Variants in GSDME observed in about 807,000 individuals in gnomAD.
GSDME encodes gasdermin E.
Under a neutral mutation model 47.5 loss-of-function variants are expected in GSDME, and 44 were observed. The observed-to-expected ratio is 0.93, with a 90% CI of 0.73 to 1.19. The LOEUF (loss-of-function observed/expected upper bound fraction) is 1.19, where lower values mean the gene tolerates loss of function less well. Ranked by LOEUF, GSDME falls within the 50% of genes most tolerant of loss-of-function variation. The pLI, the probability that GSDME is intolerant of heterozygous loss-of-function variation, is 0.00. For synonymous variants in GSDME, 258 were observed against 252.8 expected (o/e 1.02, Z -0.20); for missense variants, 663 against 604.2 (o/e 1.10, Z -1.02).
At chr7:24,700,309 G>T (rs111331806) in intron 9 of GSDME, among the ~76,000 whole-genome samples, 38 of 152,134 alleles carry the variant, frequency 2.5e-4, no homozygotes, top group African/African-American at 8.9e-4. Context: ...ACACATACTT[G>T]AAATATTTGA....
At position 24,712,162 on chromosome 7, in the gene GSDME, G is replaced by C. The variant is rs1365278153; in HGVS notation, c.698-1774C>G. On this transcript the variant is annotated intron_variant, in intron 5 of 9. Coordinates refer to ENST00000645220, the MANE Select transcript of GSDME (RefSeq NM_001127453.2). This position sits in a 1 kb window ranked among gnomAD's most constrained non-coding sequence, Gnocchi z 4.4. ...ATGGCTGTCTAAAGACAAAGGAAACGATCCCTGGGCTTTACCCACCTGGCC... is the reference window on the plus strand; with the variant it reads ...ATGGCTGTCTAAAGACAAAGGAAACCATCCCTGGGCTTTACCCACCTGGCC... Among the ~76,000 whole-genome samples, 2 of 152,190 alleles carry C rather than the reference G, an allele frequency of 1.3e-5. No homozygotes were observed. The highest frequency in any genetic ancestry group is 2.9e-5 in the Non-Finnish European group (2 of 68,038).
chr7:24,752,511 T>C (rs939675331), intron 1 of GSDME, among the ~76,000 whole-genome samples: 3 of 152,042 alleles, frequency 2.0e-5, no homozygotes, highest in Admixed American at 6.5e-5. Context: ...GGCATAAGGA[T>C]AGAAAAGACA....
intron 3 of GSDME, among the ~76,000 whole-genome samples, chr7:24,738,154 G>C (rs1316732491): frequency 6.6e-6 from 1 of 152,058 alleles, no homozygotes; most frequent in Non-Finnish European, 1.5e-5. Context: ...AAGAATAAAG[G>C]CATTCAAATT....
chr7:24,707,098 C>T (rs901916816), intron 7 of GSDME, among the ~76,000 whole-genome samples: 2 of 152,222 alleles, frequency 1.3e-5, no homozygotes, highest in African/African-American at 4.8e-5. Context: ...TGCAAATGTC[C>T]TGGGCTGTGG....
rs202246404 is a variant in GSDME, at chr7:24,719,230, A to G, written c.405-12T>C. The G allele has an allele frequency of 3.9e-4, 625 of 1,608,426 alleles. 4 individuals are homozygous for G. In the South Asian group the frequency reaches 6.0e-3, roughly 16 times the overall value. ...TCAGATTTATTGTTCTGAAAAAGAA[A>G]AACGGATGTGAGTGGCTTAGTGCCT... On this transcript the variant is annotated splice_polypyrimidine_tract_variant and intron_variant, in intron 3 of 9. Transcript: ENST00000645220.
Position 24,735,163 on chromosome 7 carries a change from A to G in GSDME, c.404+9399T>C, listed in dbSNP as rs1210618171. Among the ~76,000 whole-genome samples, 1 of 152,254 alleles carries G rather than the reference A, an allele frequency of 6.6e-6. No homozygotes were observed. On this transcript the variant is annotated intron_variant, in intron 3 of 9. Transcript: ENST00000645220. The surrounding 1 kb of genome is among the most constrained non-coding windows in gnomAD (Gnocchi z 4.4). Reference sequence around the variant, plus strand: ...TGACATATCTAAAGTGCTGAAGGAAAAAAACGTTTACACTAGAATAGTATA... The same window carrying G: ...TGACATATCTAAAGTGCTGAAGGAAGAAAACGTTTACACTAGAATAGTATA...
Position 24,734,670 on chromosome 7 carries a change from G to A in GSDME, c.404+9892C>T, listed in dbSNP as rs531823060. Among the ~76,000 whole-genome samples, 5 of 152,292 alleles carry A rather than the reference G, an allele frequency of 3.3e-5. No homozygotes were observed. In the South Asian group the frequency reaches 8.3e-4, roughly 25 times the overall value. On this transcript the variant is annotated intron_variant, in intron 3 of 9. Transcript: ENST00000645220. ...TTGACATACTGGAGAACACATCAGAGTCTCTTAAATAGCAGAATTGATTAA... is the reference window on the plus strand; with the variant it reads ...TTGACATACTGGAGAACACATCAGAATCTCTTAAATAGCAGAATTGATTAA...
Position 24,754,799 on chromosome 7 carries a change from G to C in GSDME, c.-20+2597C>G, listed in dbSNP as rs937169600. ...ACTGATTCAGTCATGGAGTTATCTA[G>C]TTTTTAAATTAGAAGAGAAACCTCA... On this transcript the variant is annotated intron_variant, in intron 1 of 9. Transcript: ENST00000645220. The surrounding 1 kb of genome is among the most constrained non-coding windows in gnomAD (Gnocchi z 5.0). 2.0e-5 allele frequency among the ~76,000 whole-genome samples: 3 copies of C among 152,208 alleles called. No individual in the cohort carries two copies. Among genetic ancestry groups the C allele is most frequent in the Non-Finnish European group, 2.9e-5 (2 of 68,032 alleles).
Position 24,721,619 on chromosome 7 carries a change from C to A in GSDME, c.405-2401G>T, listed in dbSNP as rs1303725782. On this transcript the variant is annotated intron_variant, in intron 3 of 9. Coordinates refer to ENST00000645220, the MANE Select transcript of GSDME (RefSeq NM_001127453.2). This position sits in a 1 kb window ranked among gnomAD's most constrained non-coding sequence, Gnocchi z 4.1. ...GGTGTGCCGAGCACAGAGTTAAATG[C>A]CACACAAACACTAGCTGGCTCCGCC... is the stretch of plus-strand genomic sequence containing the variant. Among the ~76,000 whole-genome samples, 4 of 152,216 alleles carry A rather than the reference C, an allele frequency of 2.6e-5. No homozygotes were observed. Among genetic ancestry groups the A allele is most frequent in the Non-Finnish European group, 5.9e-5 (4 of 68,038 alleles).
chr7:24,789,321 C>T, the GSDME span, among the ~76,000 whole-genome samples: 1 of 152,128 alleles, frequency 6.6e-6, no homozygotes, highest in Admixed American at 6.5e-5. Context: ...ACAAAACCCC[C>T]CAGACACAGA....
intron 3 of GSDME, among the ~76,000 whole-genome samples, chr7:24,730,585 G>A (rs1790110657): frequency 6.6e-6 from 1 of 152,196 alleles, no homozygotes; most frequent in South Asian, 2.1e-4. Flanking sequence ...GGGAGGCTGA[G>A]ATGGGCAGAT....
rs1369262979 is a variant in GSDME, at chr7:24,710,329, C to CA, written c.756dup (p.Val253CysfsTer52). On this transcript the variant is annotated frameshift_variant, in exon 6 of 10. Coordinates refer to ENST00000645220, the MANE Select transcript of GSDME (RefSeq NM_001127453.2). LOFTEE classifies it high-confidence loss of function. ...CGAAAGACCAGGGGGTCCAGGTAGA[C>CA]AGAGTCAATTCTCTTCTTGTTCTCG... is the stretch of plus-strand genomic sequence containing the variant. 7 of 1,614,114 alleles carry CA rather than the reference C, an allele frequency of 4.3e-6. No homozygotes were observed. The highest frequency in any genetic ancestry group is 5.9e-6 in the Non-Finnish European group (7 of 1,180,044).
rs992262897 is a variant in GSDME, at chr7:24,728,690, G to A, written c.405-9472C>T. Among the ~76,000 whole-genome samples, 2 of 152,142 alleles carry A rather than the reference G, an allele frequency of 1.3e-5. No homozygotes were observed. The highest frequency in any genetic ancestry group is 2.4e-5 in the African/African-American group (1 of 41,426). ...TCAGGAAGTGGATCCTCTTGGAAAC[G>A]AAAGCAGCCGCCCACTGTCTCCCCC... On this transcript the variant is annotated intron_variant, in intron 3 of 9. Transcript: ENST00000645220. The surrounding 1 kb of genome is among the most constrained non-coding windows in gnomAD (Gnocchi z 7.2).
In GSDME at chr7:24,725,431, G is replaced by T. The variant is rs936466120; in HGVS notation, c.405-6213C>A. Among the ~76,000 whole-genome samples, 1 of 152,062 alleles carries T rather than the reference G, an allele frequency of 6.6e-6. No individual in the cohort carries two copies. Among genetic ancestry groups the T allele is most frequent in the Admixed American group, 6.5e-5 (1 of 15,268 alleles). Reference sequence around the variant, plus strand: ...AGCCCTCAGCCAGGTGTAGGAGGACGAGCCGCAGACAAAACTCCTCAGATA... The same window carrying T: ...AGCCCTCAGCCAGGTGTAGGAGGACTAGCCGCAGACAAAACTCCTCAGATA... On this transcript the variant is annotated intron_variant, in intron 3 of 9. Transcript: ENST00000645220. This position sits in a 1 kb window ranked among gnomAD's most constrained non-coding sequence, Gnocchi z 5.1.
chr7:24,731,439 G>A (rs74336604), intron 3 of GSDME, among the ~76,000 whole-genome samples: 1 of 152,226 alleles, frequency 6.6e-6, no homozygotes. Context: ...GACCACGCAG[G>A]TGCCTACCTC....
chr7:24,786,071 T>G, the GSDME span, among the ~76,000 whole-genome samples: 1 of 152,212 alleles, frequency 6.6e-6, no homozygotes, highest in Non-Finnish European at 1.5e-5. The surrounding 1 kb of genome is among the most constrained non-coding windows in gnomAD (Gnocchi z 5.5). Flanking sequence ...GTTGATTGAC[T>G]GCAGACCATT....
At chr7:24,701,367 C>G (rs1384909185) in intron 9 of GSDME, among the ~76,000 whole-genome samples, 2 of 152,250 alleles carry the variant, frequency 1.3e-5, no homozygotes, top group Non-Finnish European at 2.9e-5. Context: ...GTTCTGGCTG[C>G]TGCTCTTAGA....
the GSDME span, among the ~76,000 whole-genome samples, chr7:24,788,713 A>G: frequency 5.3e-5 from 8 of 152,092 alleles, no homozygotes; most frequent in African/African-American, 1.7e-4. The surrounding 1 kb of genome is among the most constrained non-coding windows in gnomAD (Gnocchi z 4.6). Context: ...TCCAAATTGT[A>G]TTGCCTTCTC....
rs538503847 is a variant in GSDME, at chr7:24,718,911, A to G, written c.576+136T>C. The G allele has an allele frequency of 2.5e-4, 250 of 990,716 alleles. 1 individual carries two copies. The Middle Eastern group carries it at 4.3e-3, about 17-fold the overall frequency. 61.4% of individuals were successfully genotyped at this position (990,716 alleles called of 1,614,324 possible). Reference sequence around the variant, plus strand: ...GAGCCAATACACTCTTGCTCATTTAAGACAACGTGAGTTGGGTTTCTGTTA... The same window carrying G: ...GAGCCAATACACTCTTGCTCATTTAGGACAACGTGAGTTGGGTTTCTGTTA... On this transcript the variant is annotated intron_variant, in intron 4 of 9. Coordinates refer to ENST00000645220, the MANE Select transcript of GSDME (RefSeq NM_001127453.2).
Sources: gnomAD v4.1 joint callset for allele counts (sites outside exome capture counted in the v4.1 genomes callset) on GRCh38, gnomAD v4.1.1 for gene constraint, Gnocchi (gnomAD v3.1) non-coding constraint, MANE v1.5 for transcripts, NCBI Gene and HGNC (gene_info 2026-07-23, HGNC 2026-07-21) for gene names.